DTNB: variants seen among roughly 807,000 people sequenced by gnomAD.
DTNB encodes the protein dystrobrevin beta.
In DTNB, 63 loss-of-function variants were observed where a neutral mutation model predicts 90.7. That is an observed-to-expected ratio of 0.69 (90% CI 0.57 to 0.86). The LOEUF (loss-of-function observed/expected upper bound fraction) is 0.86, where lower values mean the gene tolerates loss of function less well. DTNB is among the 40% of genes least tolerant of loss of function. The pLI, the probability that DTNB is intolerant of heterozygous loss-of-function variation, is 0.00. For missense variants in DTNB, 744 were observed against 807.1 expected, an observed-to-expected ratio of 0.92 and a Z score of 0.95; for synonymous variants, 277 against 286.7, an observed-to-expected ratio of 0.97 and a Z score of 0.34.
chr2:25,632,794 T>C (rs551075287), intron 3 of DTNB, among the ~76,000 whole-genome samples: 1 of 152,204 alleles, frequency 6.6e-6, no homozygotes, highest in South Asian at 2.1e-4. Flanking sequence ...TACTCTCTTA[T>C]AAGCAACAGA....
At chr2:25,497,841 A>G (rs1195352088) in intron 9 of DTNB, among the ~76,000 whole-genome samples, 4 of 152,170 alleles carry the variant, frequency 2.6e-5, no homozygotes, top group Non-Finnish European at 5.9e-5. Flanking sequence ...TTCAGCCCTC[A>G]TTTGGCTAAT....
chr2:25,508,120 A>AT (rs756059199), intron 9 of DTNB, among the ~76,000 whole-genome samples: 2 of 152,278 alleles, frequency 1.3e-5, no homozygotes, highest in Non-Finnish European at 2.9e-5. Flanking sequence ...ATTACCTTCT[A>AT]ATATATAATT....
At chr2:25,389,403 G>A (rs770076003) in intron 16 of DTNB, among the ~76,000 whole-genome samples, 29 of 152,256 alleles carry the variant, frequency 1.9e-4, no homozygotes, top group East Asian at 1.9e-4. Flanking sequence ...AAGGCTGTCC[G>A]GGGCCACCCC....
At chr2:25,417,544 G>T (rs1283055459) in intron 16 of DTNB, among the ~76,000 whole-genome samples, 1 of 152,210 alleles carries the variant, frequency 6.6e-6, no homozygotes, top group Non-Finnish European at 1.5e-5. Context: ...GAGTTTTCAG[G>T]TGAGGTGTCG....
chr2:25,549,535 T>C (rs1162962205), intron 8 of DTNB, among the ~76,000 whole-genome samples: 1 of 152,224 alleles, frequency 6.6e-6, no homozygotes, highest in East Asian at 1.9e-4. Flanking sequence ...TTGCTCCACC[T>C]ACCCATAAAA....
chr2:25,654,522 C>T (rs571553902), intron 1 of DTNB, among the ~76,000 whole-genome samples: 3 of 152,174 alleles, frequency 2.0e-5, no homozygotes, highest in Non-Finnish European at 4.4e-5. Context: ...ATTTTAAAAA[C>T]GGTAAACATT....
intron 15 of DTNB, among the ~76,000 whole-genome samples, chr2:25,427,101 C>A (rs1216811808): frequency 6.6e-6 from 1 of 151,340 alleles, no homozygotes; most frequent in African/African-American, 2.4e-5. Flanking sequence ...TCACTTGAAC[C>A]TGGGAGGCGG....
At chr2:25,558,167 C>T (rs2057678308) in intron 8 of DTNB, 1 of 976,724 alleles carries the variant, frequency 1.0e-6, no homozygotes. Context: ...TTCGTAGTCA[C>T]TAAATGAAGA....
chr2:25,516,501 C>A (rs1443377460), intron 9 of DTNB, among the ~76,000 whole-genome samples: 1 of 152,062 alleles, frequency 6.6e-6, no homozygotes, highest in Non-Finnish European at 1.5e-5. Flanking sequence ...AATCCTCCCA[C>A]CCCAGACTCC....
At chr2:25,385,947 A>G (rs2039352936) in intron 18 of DTNB, 1 of 916,620 alleles carries the variant, frequency 1.1e-6, no homozygotes, top group African/African-American at 1.8e-5. Flanking sequence ...ATGGCCCGAA[A>G]TTCCCTGAGA....
At chr2:25,458,891 T>C (rs1386109575) in intron 10 of DTNB, among the ~76,000 whole-genome samples, 1 of 152,040 alleles carries the variant, frequency 6.6e-6, no homozygotes. Flanking sequence ...GTGATCCGCC[T>C]GCCTCGGCCT....
chr2:25,388,278 G>A lies in DTNB; in HGVS notation c.1659C>T (p.Ala553=), dbSNP rs758844594. The A allele has an allele frequency of 1.7e-5, 27 of 1,611,944 alleles. No individual in the cohort carries two copies. The highest frequency in any genetic ancestry group is 4.5e-5 in the East Asian group (2 of 44,856). The part of the protein sequence containing the change: ...PMPMPVRSTS[A]GSTPTHCPQD... ...GCGGACAGTGGGTGGGGGTGGAGCC[G>A]GCAGACGTGGAGCGCACTGGCATGG... is the stretch of plus-strand genomic sequence containing the variant. Residue 553 remains alanine, a synonymous_variant, in exon 17 of 21, where the codon GCC becomes GCT. Transcript: ENST00000406818.
intron 4 of DTNB, among the ~76,000 whole-genome samples, chr2:25,616,880 C>T (rs576649706): frequency 2.0e-3 from 282 of 137,620 alleles, no homozygotes; most frequent in Non-Finnish European, 3.6e-3. Flanking sequence ...TGCAGTGAGC[C>T]GAGATCGCGC....
chr2:25,610,114 G>T (rs1422486807), intron 4 of DTNB, among the ~76,000 whole-genome samples: 2 of 151,884 alleles, frequency 1.3e-5, no homozygotes, highest in Non-Finnish European at 2.9e-5. Context: ...TTTTGTTGTT[G>T]TCTTGTTTTG....
chr2:25,569,284 T>G (rs962350238), intron 8 of DTNB, among the ~76,000 whole-genome samples: 1 of 152,220 alleles, frequency 6.6e-6, no homozygotes, highest in South Asian at 2.1e-4. Context: ...TGCTGCTTAT[T>G]ATGCAGCAAG....
At chr2:25,626,794 A>T (rs534074961) in intron 4 of DTNB, among the ~76,000 whole-genome samples, 1 of 152,352 alleles carries the variant, frequency 6.6e-6, no homozygotes, top group African/African-American at 2.4e-5. Flanking sequence ...AAATGTATGA[A>T]CTCAAAGAAG....
intron 10 of DTNB, among the ~76,000 whole-genome samples, chr2:25,456,885 G>A (rs1329418260): frequency 3.3e-5 from 5 of 151,724 alleles, no homozygotes; most frequent in Non-Finnish European, 5.9e-5. Context: ...CCTTTCTGAA[G>A]CTCAAACTCT....
rs562695762 is a variant in DTNB, at chr2:25,514,522, G to A, written c.1001+16951C>T. Among the ~76,000 whole-genome samples, 11 of 122,436 alleles carry A rather than the reference G, an allele frequency of 9.0e-5. No individual in the cohort carries two copies. In the South Asian group the frequency reaches 2.9e-3, roughly 32 times the overall value. 80.3% of individuals were successfully genotyped at this position (122,436 alleles called of 152,430 possible). On this transcript the variant is annotated intron_variant, in intron 9 of 20. Coordinates refer to ENST00000406818, the MANE Select transcript of DTNB (RefSeq NM_021907.5). Reference sequence around the variant, plus strand: ...CCCACAAAAACAAAAAAAGACATGTGCTGGGTTATGTCATAGGACAAATAT... The same window carrying A: ...CCCACAAAAACAAAAAAAGACATGTACTGGGTTATGTCATAGGACAAATAT...
chr2:25,471,749 A>G (rs1386339174), intron 10 of DTNB, among the ~76,000 whole-genome samples: 1 of 152,090 alleles, frequency 6.6e-6, no homozygotes, highest in Non-Finnish European at 1.5e-5. Context: ...ACAAGAAAAC[A>G]TATCTAGTCC....
Sources: gnomAD v4.1 joint callset for allele counts (sites outside exome capture counted in the v4.1 genomes callset) on GRCh38, gnomAD v4.1.1 for gene constraint, MANE v1.5 for transcripts, NCBI Gene and HGNC (gene_info 2026-07-23, HGNC 2026-07-21) for gene names.